Variants in LARP1 observed in about 807,000 individuals in gnomAD.
LARP1 encodes the protein La ribonucleoprotein 1, translational regulator.
Under a neutral mutation model 122.7 loss-of-function variants are expected in LARP1, and 36 were observed. That is an observed-to-expected ratio of 0.29 (90% CI 0.22 to 0.39). The LOEUF is 0.39. LARP1 is among the 10% of genes least tolerant of loss of function. The probability of loss-of-function intolerance (pLI) is 1.00; values close to 1 mark genes in which losing one functional copy is unlikely to be tolerated. For synonymous variants in LARP1, 539 were observed against 528.7 expected, an observed-to-expected ratio of 1.02 and a Z score of -0.27; for missense variants, 1,040 against 1,403.6, an observed-to-expected ratio of 0.74 and a Z score of 4.14.
At chr5:154,790,269 C>A (rs536347358) in intron 1 of LARP1, 56 bp from the exon 2 acceptor site, 3 of 1,464,020 alleles carry the variant, frequency 2.0e-6, no homozygotes, top group African/African-American at 2.8e-5. Context: ...GAGGAGCTGG[C>A]AGTAGCCCCC....
upstream of LARP1, chr5:154,712,841 G>C: frequency 8.0e-7 from 1 of 1,254,400 alleles, no homozygotes; most frequent in South Asian, 1.3e-5. Flanking sequence ...GAGAGCTCCC[G>C]GGCCAGAGCC....
At chr5:154,703,363 C>T (rs1412822004) in intron 1 of LARP1, among the ~76,000 whole-genome samples, 1 of 152,136 alleles carries the variant, frequency 6.6e-6, no homozygotes, top group Admixed American at 6.6e-5. Context: ...TAGCTCAGGC[C>T]TTCATGATTG....
intron 1 of LARP1, among the ~76,000 whole-genome samples, chr5:154,699,492 CAAA>C (rs34380813): frequency 4.5e-4 from 66 of 147,078 alleles, no homozygotes; most frequent in Non-Finnish European, 7.9e-4. Context: ...CCTCTTTCTA[CAAA>C]AAAAAAAAAA....
intron 1 of LARP1, among the ~76,000 whole-genome samples, chr5:154,716,795 C>T (rs1390929645): frequency 1.3e-5 from 2 of 152,154 alleles, no homozygotes; most frequent in African/African-American, 4.8e-5. Flanking sequence ...CACAGCAGCT[C>T]ACACCTGTAA....
Position 154,756,213 on chromosome 5 carries a change from C to A in LARP1, c.436+20C>A. On this transcript the variant is annotated intron_variant, in intron 1 of 18. Transcript: ENST00000518297. Reference sequence around the variant, plus strand: ...CCCCAGGTGGGTCTCCCTCCTTGCCCTCCTGGGTCCGGGGGCCTCTTCCGG... The same window carrying A: ...CCCCAGGTGGGTCTCCCTCCTTGCCATCCTGGGTCCGGGGGCCTCTTCCGG... 8.0e-7 allele frequency: 1 copy of A among 1,242,822 alleles called. No individual in the cohort carries two copies. The highest frequency in any genetic ancestry group is 7.5e-5 in the East Asian group (1 of 13,374). 77.0% of individuals were successfully genotyped at this position (1,242,822 alleles called of 1,614,324 possible). A position where few individuals can be genotyped will look rare whatever the true frequency, so the allele number is the denominator to read the frequency against.
At chr5:154,796,754 G>GT (rs1757891277) in intron 8 of LARP1, among the ~76,000 whole-genome samples, 1 of 152,184 alleles carries the variant, frequency 6.6e-6, no homozygotes, top group South Asian at 2.1e-4. Flanking sequence ...TCTTCAAGAA[G>GT]TAACTTTGCC....
At chr5:154,728,207 G>A (rs1269047423) in intron 1 of LARP1, among the ~76,000 whole-genome samples, 2 of 152,176 alleles carry the variant, frequency 1.3e-5, no homozygotes, top group Admixed American at 6.5e-5. Context: ...CCCCTCTGGT[G>A]TAGGGCCAAG....
At chr5:154,782,083 A>G (rs1259213372) in intron 1 of LARP1, among the ~76,000 whole-genome samples, 1 of 152,226 alleles carries the variant, frequency 6.6e-6, no homozygotes, top group African/African-American at 2.4e-5. Flanking sequence ...CTGAGGAGTC[A>G]GTCATCTTGC....
intron 7 of LARP1, 98 bp downstream of exon 7, chr5:154,794,360 C>G: frequency 1.7e-6 from 2 of 1,158,262 alleles, no homozygotes; most frequent in East Asian, 2.4e-5. Context: ...TGCTTAGCAG[C>G]AGTTTCAGCC....
chr5:154,789,541 T>C (rs1373793070), intron 1 of LARP1, among the ~76,000 whole-genome samples: 1 of 152,208 alleles, frequency 6.6e-6, no homozygotes, highest in Non-Finnish European at 1.5e-5. Context: ...TTTTCATTTA[T>C]TGTGTCCGTC....
intron 1 of LARP1, among the ~76,000 whole-genome samples, chr5:154,693,218 G>T (rs1754307114): frequency 6.6e-6 from 1 of 150,420 alleles, no homozygotes; most frequent in African/African-American, 2.5e-5. Context: ...GCTCACTGCA[G>T]CCTCAAACTG....
At chr5:154,702,478 C>T (rs996395065) in intron 1 of LARP1, among the ~76,000 whole-genome samples, 1 of 151,930 alleles carries the variant, frequency 6.6e-6, no homozygotes, top group African/African-American at 2.4e-5. Flanking sequence ...ATTTCTTGAA[C>T]CCAGGAGGCG....
rs574516296 is a variant in LARP1 at position 154,771,655 on chromosome 5, A to G, written c.436+15462A>G. Among the ~76,000 whole-genome samples, 8 of 152,344 alleles carry G rather than the reference A, an allele frequency of 5.3e-5. No homozygotes were observed. In the East Asian group the frequency reaches 1.5e-3, roughly 29 times the overall value. On this transcript the variant is annotated intron_variant, in intron 1 of 18. Coordinates refer to ENST00000518297, the MANE Select transcript of LARP1 (RefSeq NM_033551.3). ...GTATAGGGCTGTTACGGCCCAGCCT[A>G]GACGCCTCAACTCTGCCTCCGCTGG...
intron 1 of LARP1, among the ~76,000 whole-genome samples, chr5:154,692,557 C>T (rs1030833428): frequency 1.3e-5 from 2 of 152,166 alleles, no homozygotes; most frequent in Non-Finnish European, 2.9e-5. Flanking sequence ...TCTTCTCTTC[C>T]CCACCCTGTA....
intron 1 of LARP1, among the ~76,000 whole-genome samples, chr5:154,746,378 C>T (rs949101390): frequency 6.6e-6 from 1 of 152,314 alleles, no homozygotes. Flanking sequence ...TCCTTTTGCC[C>T]CAATTTTGCC....
chr5:154,790,851 CTT>C (rs966804788), intron 3 of LARP1, 141 bp downstream of exon 3: 6 of 792,074 alleles, frequency 7.6e-6, no homozygotes, highest in African/African-American at 6.9e-5. Context: ...GAGTTTCACT[CTT>C]TTTGCCCAGG....
intron 1 of LARP1, among the ~76,000 whole-genome samples, chr5:154,725,099 A>G: frequency 6.6e-6 from 1 of 152,028 alleles, no homozygotes; most frequent in South Asian, 2.1e-4. Context: ...CTTTAAAATT[A>G]GCCAGGTGTG....
upstream of LARP1, among the ~76,000 whole-genome samples, chr5:154,750,930 A>T (rs1243535929): frequency 6.6e-6 from 1 of 152,114 alleles, no homozygotes; most frequent in African/African-American, 2.4e-5. Flanking sequence ...TAAGCACATG[A>T]TGTGTTTAAA....
intron 4 of LARP1, 145 bp from the exon 5 acceptor site, chr5:154,793,450 G>T: frequency 1.0e-6 from 1 of 957,912 alleles, no homozygotes; most frequent in Non-Finnish European, 1.6e-6. Flanking sequence ...GAAAAAGAGG[G>T]CTAATGTGTG....
Sources: gnomAD v4.1 joint callset for allele counts (sites outside exome capture counted in the v4.1 genomes callset) on GRCh38, gnomAD v4.1.1 for gene constraint, MANE v1.5 for transcripts, NCBI Gene and HGNC (gene_info 2026-07-23, HGNC 2026-07-21) for gene names.